Variants in ANKH observed in about 807,000 individuals in gnomAD.
ANKH encodes mineralization regulator ANKH.
ANKH carries 15 observed loss-of-function variants against 49.0 expected under a neutral mutation model. The observed-to-expected ratio is 0.31, with a 90% CI of 0.20 to 0.47. The LOEUF is 0.47. Among genes scored for constraint, ANKH ranks in the 20% least tolerant of loss-of-function variants. The pLI is 1.00. For missense variants in ANKH, 429 were observed against 652.0 expected (o/e 0.66, Z 3.72); for synonymous variants, 273 against 260.0 (o/e 1.05, Z -0.48).
chr5:14,827,609 A>T (rs1340466774), intron 1 of ANKH, among the ~76,000 whole-genome samples: 1 of 152,094 alleles, frequency 6.6e-6, no homozygotes, highest in East Asian at 1.9e-4. Context: ...CAGGTATCTC[A>T]TCAGGTAGCA....
At chr5:14,715,539 A>G (rs564295065) in intron 9 of ANKH, among the ~76,000 whole-genome samples, 4 of 152,346 alleles carry the variant, frequency 2.6e-5, no homozygotes, top group African/African-American at 9.6e-5. Flanking sequence ...CACACCTGGT[A>G]CAGAATTTAA....
At chr5:14,844,092 A>G (rs73052514) in intron 1 of ANKH, among the ~76,000 whole-genome samples, 2,906 of 152,282 alleles carry the variant, frequency 0.019, 70 homozygotes, top group African/African-American at 0.053. Context: ...GCAGAGAGAA[A>G]AAACTTCATT....
At chr5:14,730,208 C>T (rs1230168809) in intron 8 of ANKH, among the ~76,000 whole-genome samples, 2 of 152,284 alleles carry the variant, frequency 1.3e-5, no homozygotes, top group East Asian at 3.9e-4. Context: ...TCCCTTCTCC[C>T]GGACAAAGTT....
At chr5:14,832,849 G>A (rs1349042033) in intron 1 of ANKH, among the ~76,000 whole-genome samples, 1 of 152,150 alleles carries the variant, frequency 6.6e-6, no homozygotes, top group Non-Finnish European at 1.5e-5. Flanking sequence ...AAAGAATATG[G>A]CTATCGAGAT....
chr5:14,857,075 A>G (rs1258194421), intron 1 of ANKH, among the ~76,000 whole-genome samples: 1 of 152,170 alleles, frequency 6.6e-6, no homozygotes, highest in Non-Finnish European at 1.5e-5. Flanking sequence ...AGTAAAACCA[A>G]TACAGTCCCT....
chr5:14,740,394 C>T (rs1738316081), intron 8 of ANKH, among the ~76,000 whole-genome samples: 1 of 152,220 alleles, frequency 6.6e-6, no homozygotes, highest in African/African-American at 2.4e-5. Flanking sequence ...AGCTTGGGCA[C>T]CACAGAGAGA....
chr5:14,839,946 G>T (rs1298347560), intron 1 of ANKH, among the ~76,000 whole-genome samples: 1 of 152,184 alleles, frequency 6.6e-6, no homozygotes, highest in Non-Finnish European at 1.5e-5. Context: ...ACCAATGTCT[G>T]ATTTTTGTGA....
intron 1 of ANKH, among the ~76,000 whole-genome samples, chr5:14,783,249 A>G (rs1457073119): frequency 6.6e-6 from 1 of 151,598 alleles, no homozygotes; most frequent in Non-Finnish European, 1.5e-5. Context: ...TATCAGGACA[A>G]GAGAAGACAC....
At chr5:14,744,030 C>T (rs1738450440) in intron 7 of ANKH, among the ~76,000 whole-genome samples, 1 of 152,038 alleles carries the variant, frequency 6.6e-6, no homozygotes, top group African/African-American at 2.4e-5. Flanking sequence ...TAATCAGGAG[C>T]TAGAACTGAA....
chr5:14,763,394 T>C (rs185427475), intron 2 of ANKH, among the ~76,000 whole-genome samples: 2 of 152,336 alleles, frequency 1.3e-5, no homozygotes, highest in East Asian at 1.9e-4. Context: ...TAAATACACA[T>C]TGAGTGACTT....
rs756749018 is a variant in ANKH at position 14,712,901 on chromosome 5, G to A, written c.1338C>T (p.Ile446=). The A allele has an allele frequency of 1.2e-4, 200 of 1,612,554 alleles. 2 individuals are homozygous for A. Among genetic ancestry groups the A allele is most frequent in the South Asian group, 9.3e-4 (84 of 90,580 alleles). Reference sequence around the variant, plus strand: ...GCTTCCGGTAGACATAGCACGCAGCGATGGCGACCATGGTGGATTCTCCCA... The same window carrying A: ...GCTTCCGGTAGACATAGCACGCAGCAATGGCGACCATGGTGGATTCTCCCA... ...GFVGESTMVA[I]AACYVYRKQK... The change falls in exon 11 of 12, where the codon ATC becomes ATT. Residue 446 remains isoleucine, a synonymous_variant. Coordinates refer to ENST00000284268, the MANE Select transcript of ANKH (RefSeq NM_054027.6).
intron 1 of ANKH, among the ~76,000 whole-genome samples, chr5:14,837,342 T>C (rs1026702858): frequency 1.1e-4 from 16 of 152,102 alleles, no homozygotes; most frequent in East Asian, 1.9e-4. Flanking sequence ...AGGCAACCTA[T>C]AGAATGGGAG....
chr5:14,791,983 T>G (rs541004078), intron 1 of ANKH, among the ~76,000 whole-genome samples: 6 of 152,316 alleles, frequency 3.9e-5, no homozygotes, highest in African/African-American at 1.4e-4. Context: ...GATGAGAATA[T>G]GGAACAGGCA....
intron 8 of ANKH, among the ~76,000 whole-genome samples, chr5:14,735,148 C>A (rs914970778): frequency 2.6e-5 from 4 of 152,138 alleles, no homozygotes; most frequent in Non-Finnish European, 4.4e-5. Flanking sequence ...CCCAGAGAAA[C>A]CTTTGGCAAA....
intron 1 of ANKH, among the ~76,000 whole-genome samples, chr5:14,867,062 C>T (rs943141273): frequency 6.9e-5 from 10 of 145,790 alleles, no homozygotes; most frequent in African/African-American, 2.6e-4. Flanking sequence ...GGGACTGAGG[C>T]AGGAGAATCG....
Position 14,749,201 on chromosome 5 carries a change from C to T in ANKH, c.793G>A (p.Asp265Asn). 3 of 1,614,082 alleles carry T rather than the reference C, an allele frequency of 1.9e-6. No homozygotes were observed. In the South Asian group the frequency reaches 3.3e-5, roughly 18 times the overall value. ...GTGGCTGCAGAACTGCCACCAAGGT[C>T]CCGGGAAACAAAGAGGTTGACAATA... ...RPIVNLFVSRDLGGSSAATEA... is the reference protein window; with the variant it reads ...RPIVNLFVSRNLGGSSAATEA... Residue 265 changes from aspartate (D) to asparagine (N), a missense_variant, in exon 6 of 12, where the codon GAC becomes AAC. Around this residue, in one of 2 missense-constraint regions of ANKH, gnomAD observed 378 missense variants for 615.3 expected, o/e 0.61. Coordinates refer to ENST00000284268, the MANE Select transcript of ANKH (RefSeq NM_054027.6).
chr5:14,796,066 G>C (rs960445621), intron 1 of ANKH, among the ~76,000 whole-genome samples: 8 of 151,560 alleles, frequency 5.3e-5, no homozygotes, highest in African/African-American at 1.9e-4. Flanking sequence ...AATTCTTTTC[G>C]ACGTGATATT....
rs7711266 is a variant in ANKH at position 14,807,510 on chromosome 5, C to T, written c.97-38319G>A. ...TTCTTGAGCATGTCTTCCTAGGTAC[C>T]GATCCTTAACCTGAACTGCTGTGAG... On this transcript the variant is annotated intron_variant, in intron 1 of 11. Transcript: ENST00000284268. 1.9e-3 allele frequency among the ~76,000 whole-genome samples: 287 copies of T among 152,224 alleles called. 2 individuals are homozygous for T. Among genetic ancestry groups the T allele is most frequent in the African/African-American group, 6.5e-3 (271 of 41,508 alleles).
chr5:14,725,006 G>C lies in ANKH; in HGVS notation c.1012-8171C>G, dbSNP rs1737781875. Among the ~76,000 whole-genome samples the C allele has an allele frequency of 6.6e-6, 1 of 151,802 alleles. No homozygotes were observed. The highest frequency in any genetic ancestry group is 1.5e-5 in the Non-Finnish European group (1 of 67,988). ...CAGCTGTTTTGAATAAAAATCGCTGGCCCTGGACATCATTTTTATTTGGCG... is the reference window on the plus strand; with the variant it reads ...CAGCTGTTTTGAATAAAAATCGCTGCCCCTGGACATCATTTTTATTTGGCG... On this transcript the variant is annotated intron_variant, in intron 8 of 11. Coordinates refer to ENST00000284268, the MANE Select transcript of ANKH (RefSeq NM_054027.6). The surrounding 1 kb of genome is among the most constrained non-coding windows in gnomAD (Gnocchi z 4.0).
Sources: allele counts gnomAD v4.1 joint callset (sites outside exome capture counted in the v4.1 genomes callset), GRCh38; gene constraint gnomAD v4.1.1; regional missense constraint gnomAD v4.1.1; non-coding constraint Gnocchi (gnomAD v3.1); transcripts MANE v1.5; gene names NCBI Gene and HGNC (gene_info 2026-07-23, HGNC 2026-07-21).